CNTNAP5: variants seen among roughly 807,000 people sequenced by gnomAD.
CNTNAP5 encodes the protein contactin-associated protein-like 5.
CNTNAP5 carries 72 observed loss-of-function variants against 150.2 expected under a neutral mutation model. That is an observed-to-expected ratio of 0.48 (90% CI 0.40 to 0.58). CNTNAP5 has a LOEUF of 0.58. Among genes scored for constraint, CNTNAP5 ranks in the 20% least tolerant of loss-of-function variants. The pLI, the probability that CNTNAP5 is intolerant of heterozygous loss-of-function variation, is 0.00. For missense variants in CNTNAP5, 1,636 were observed against 1,626.2 expected, an observed-to-expected ratio of 1.01 and a Z score of -0.10; for synonymous variants, 672 against 619.8, an observed-to-expected ratio of 1.08 and a Z score of -1.25.
chr2:124,084,841 G>T (rs1396469264), intron 1 of CNTNAP5, among the ~76,000 whole-genome samples: 1 of 145,596 alleles, frequency 6.9e-6, no homozygotes, highest in Non-Finnish European at 1.5e-5. Flanking sequence ...ATCTTGAATT[G>T]TTTTGTATAA....
chr2:124,715,467 T>C (rs1679925428), intron 13 of CNTNAP5, among the ~76,000 whole-genome samples: 1 of 152,156 alleles, frequency 6.6e-6, no homozygotes, highest in Non-Finnish European at 1.5e-5. Context: ...CTTACCACCA[T>C]GTTCCCACTG....
In CNTNAP5 at chr2:124,647,972, A is replaced by C; in HGVS notation, c.2077+14A>C. 6.3e-7 allele frequency: 1 copy of C among 1,580,932 alleles called. No homozygotes were observed. Among genetic ancestry groups the C allele is most frequent in the Non-Finnish European group, 8.6e-7 (1 of 1,163,364 alleles). On this transcript the variant is annotated intron_variant, in intron 13 of 23. Coordinates refer to ENST00000682447, the MANE Select transcript of CNTNAP5 (RefSeq NM_001367498.1). ...TCAACACGCCGGGTAAGGCCTCTGC[A>C]TGCATGACCACAGTGGGATAGATGG... is the stretch of plus-strand genomic sequence containing the variant.
intron 23 of CNTNAP5, 97 bp downstream of exon 23, chr2:124,911,635 A>T (rs1678657418): frequency 5.4e-6 from 5 of 923,362 alleles, no homozygotes; most frequent in Non-Finnish European, 8.6e-6. Context: ...GCCATCCAGC[A>T]CTCAGAGCCC....
chr2:124,450,512 C>T (rs1574002616), intron 6 of CNTNAP5, among the ~76,000 whole-genome samples: 1 of 145,416 alleles, frequency 6.9e-6, no homozygotes, highest in Admixed American at 7.1e-5. Flanking sequence ...TGTTTCCCTT[C>T]CTGCCCAGAA....
intron 1 of CNTNAP5, among the ~76,000 whole-genome samples, chr2:124,153,600 G>C (rs1158360200): frequency 6.8e-6 from 1 of 147,548 alleles, no homozygotes; most frequent in South Asian, 2.3e-4. Context: ...AAGCCCCCCG[G>C]GACTTTTTTT....
intron 2 of CNTNAP5, among the ~76,000 whole-genome samples, chr2:124,236,593 C>T (rs1170628): frequency 0.15 from 22,638 of 152,132 alleles, 2,144 homozygotes; most frequent in East Asian, 0.35. Flanking sequence ...TATTCATTAC[C>T]ATTACCAGGT....
chr2:124,509,399 A>G (rs193035423), intron 8 of CNTNAP5, among the ~76,000 whole-genome samples: 3 of 152,020 alleles, frequency 2.0e-5, no homozygotes, highest in East Asian at 1.9e-4. Flanking sequence ...AGCCTTATGT[A>G]TGTATGTATG....
At chr2:124,792,028 G>A (rs1230490108) in intron 18 of CNTNAP5, among the ~76,000 whole-genome samples, 1 of 152,132 alleles carries the variant, frequency 6.6e-6, no homozygotes, top group Non-Finnish European at 1.5e-5. Context: ...ACTGAAATGG[G>A]AAGCCAGTGG....
chr2:124,224,975 T>G (rs547584798), intron 2 of CNTNAP5, among the ~76,000 whole-genome samples: 5 of 152,240 alleles, frequency 3.3e-5, no homozygotes, highest in South Asian at 2.1e-4. Flanking sequence ...CCTTTAAAAC[T>G]TATCTTTTGT....
intron 19 of CNTNAP5, 84 bp downstream of exon 19, chr2:124,798,404 C>G: frequency 2.0e-6 from 2 of 990,848 alleles, no homozygotes; most frequent in Non-Finnish European, 3.1e-6. Context: ...TGCATAATTT[C>G]AACCTCAAGT....
chr2:124,082,464 A>C (rs936532750), intron 1 of CNTNAP5, among the ~76,000 whole-genome samples: 2 of 149,810 alleles, frequency 1.3e-5, no homozygotes, highest in Non-Finnish European at 3.0e-5. Flanking sequence ...TCAACTATTT[A>C]TTTTTCTTTT....
intron 1 of CNTNAP5, among the ~76,000 whole-genome samples, chr2:124,110,450 T>C (rs1683269630): frequency 6.6e-6 from 1 of 152,168 alleles, no homozygotes; most frequent in Non-Finnish European, 1.5e-5. Flanking sequence ...AGAATGAAAT[T>C]GGCAGCAAAA....
At chr2:124,401,492 T>C (rs1691424997) in intron 3 of CNTNAP5, among the ~76,000 whole-genome samples, 1 of 152,254 alleles carries the variant, frequency 6.6e-6, no homozygotes, top group Admixed American at 6.5e-5. Context: ...AAGTTCATAG[T>C]GTTCTAGGAA....
intron 1 of CNTNAP5, among the ~76,000 whole-genome samples, chr2:124,063,833 A>G (rs1338725856): frequency 6.6e-6 from 1 of 152,142 alleles, no homozygotes; most frequent in Non-Finnish European, 1.5e-5. Flanking sequence ...TCCACATTAG[A>G]TGATTACTTT....
Position 124,862,939 on chromosome 2 carries a change from A to G in CNTNAP5, c.3218-2367A>G, listed in dbSNP as rs376296948. ...TGTATGGCTTTGGAAGAACTAGCTG[A>G]GGTGTTTTTTTGTATCACGAACTTG... On this transcript the variant is annotated intron_variant, in intron 19 of 23. Coordinates refer to ENST00000682447, the MANE Select transcript of CNTNAP5 (RefSeq NM_001367498.1). Among the ~76,000 whole-genome samples the G allele has an allele frequency of 9.9e-4, 150 of 152,282 alleles. 1 individual carries two copies. Among genetic ancestry groups the G allele is most frequent in the African/African-American group, 3.4e-3 (143 of 41,568 alleles).
At chr2:124,489,685 T>C (rs1176720787) in intron 7 of CNTNAP5, among the ~76,000 whole-genome samples, 2 of 152,146 alleles carry the variant, frequency 1.3e-5, no homozygotes, top group Non-Finnish European at 2.9e-5. Context: ...CATGAAGTAG[T>C]CAGGTATCCA....
At chr2:124,325,600 T>C (rs1367328792) in intron 3 of CNTNAP5, among the ~76,000 whole-genome samples, 1 of 152,208 alleles carries the variant, frequency 6.6e-6, no homozygotes, top group African/African-American at 2.4e-5. Flanking sequence ...AAAAAAACTT[T>C]GGCTGTGAGC....
chr2:124,061,384 A>G (rs1042114118), intron 1 of CNTNAP5, among the ~76,000 whole-genome samples: 4 of 152,164 alleles, frequency 2.6e-5, no homozygotes, highest in African/African-American at 4.8e-5. Context: ...ATGTCTGACT[A>G]GTGGTATTCA....
At chr2:124,503,661 C>T (rs904560369) in intron 7 of CNTNAP5, among the ~76,000 whole-genome samples, 2 of 152,300 alleles carry the variant, frequency 1.3e-5, no homozygotes, top group African/African-American at 4.8e-5. Flanking sequence ...GGCTTTCAAG[C>T]TCTGCCTCTC....
Sources: allele counts gnomAD v4.1 joint callset (sites outside exome capture counted in the v4.1 genomes callset), GRCh38; gene constraint gnomAD v4.1.1; transcripts MANE v1.5; gene names NCBI Gene and HGNC (gene_info 2026-07-23, HGNC 2026-07-21).